The following MAP3K20 variants were observed in gnomAD, a reference collection of about 807,000 sequenced individuals.
The protein encoded by MAP3K20 is HCCS-4.
MAP3K20 carries 40 observed loss-of-function variants against 85.7 expected under a neutral mutation model. That is an observed-to-expected ratio of 0.47 (90% CI 0.36 to 0.61). The LOEUF (loss-of-function observed/expected upper bound fraction) is 0.61, where lower values mean the gene tolerates loss of function less well. Among genes scored for constraint, MAP3K20 ranks in the 20% least tolerant of loss-of-function variants. The pLI, the probability that MAP3K20 is intolerant of heterozygous loss-of-function variation, is 0.00. For missense variants in MAP3K20, 817 were observed against 961.7 expected, an observed-to-expected ratio of 0.85 and a Z score of 1.99; for synonymous variants, 325 against 327.7, an observed-to-expected ratio of 0.99 and a Z score of 0.09.
intron 2 of MAP3K20, among the ~76,000 whole-genome samples, chr2:173,101,902 T>C (rs909654055): frequency 6.6e-5 from 10 of 152,194 alleles, no homozygotes; most frequent in South Asian, 4.1e-4. Context: ...GGTTAGGACA[T>C]CCAGTTTCTG....
chr2:173,209,964 GTTTT>G, intron 10 of MAP3K20, 129 bp downstream of exon 10: 1 of 840,836 alleles, frequency 1.2e-6, no homozygotes, highest in Non-Finnish European at 1.9e-6. Context: ...AAAAGAAAAG[GTTTT>G]TTTTATGATT....
rs536442395 is a variant in MAP3K20 at position 173,155,899 on chromosome 2, T to C, written c.160-13906T>C. On this transcript the variant is annotated intron_variant, in intron 2 of 19. Transcript: ENST00000375213. ...CTCCTCATCTTCCTTAGGATTCCTG[T>C]ATTGTTAGATGTGCCACTATACCCA... is the stretch of plus-strand genomic sequence containing the variant. Among the ~76,000 whole-genome samples, 4 of 152,314 alleles carry C rather than the reference T, an allele frequency of 2.6e-5. No individual in the cohort carries two copies. The East Asian group carries it at 7.7e-4, about 29-fold the overall frequency.
rs1685437560 is a variant in MAP3K20 at position 173,266,797 on chromosome 2, A to AAAAAAAAAAAAG, written c.*50_*51insAAAAAAAAGAAA. 1 of 1,352,284 alleles carries AAAAAAAAAAAAG rather than the reference A, an allele frequency of 7.4e-7. No homozygotes were observed. 83.8% of individuals were successfully genotyped at this position (1,352,284 alleles called of 1,614,324 possible). ...TCTAAGCAGGTTAAAAAAAAAAAAAAAAAGAAATGTAATGGTTTTTGATAA... is the reference window on the plus strand; with the variant it reads ...TCTAAGCAGGTTAAAAAAAAAAAAAAAAAAAAAAAAAGAAAGAAATGTAATGGTTTTTGATAA... On this transcript the variant is annotated 3_prime_UTR_variant, in exon 20 of 20. Transcript: ENST00000375213.
chr2:173,202,280 A>T (rs1410545650), intron 8 of MAP3K20, among the ~76,000 whole-genome samples: 2 of 152,162 alleles, frequency 1.3e-5, no homozygotes, highest in African/African-American at 4.8e-5. Flanking sequence ...TAGTTTGGAG[A>T]GAGTTGTTTT....
intron 16 of MAP3K20, among the ~76,000 whole-genome samples, chr2:173,249,956 C>A (rs1685005832): frequency 6.6e-6 from 1 of 152,100 alleles, no homozygotes; most frequent in African/African-American, 2.4e-5. Flanking sequence ...AATAACAACC[C>A]CCCAAAAGGC....
At chr2:173,252,666 G>A (rs1012870761) in intron 16 of MAP3K20, among the ~76,000 whole-genome samples, 3 of 152,134 alleles carry the variant, frequency 2.0e-5, no homozygotes, top group Non-Finnish European at 4.4e-5. Context: ...GCCCACCTCC[G>A]CTCCTGGGCT....
At chr2:173,238,643 A>G (rs530868971) in intron 15 of MAP3K20, among the ~76,000 whole-genome samples, 1 of 152,348 alleles carries the variant, frequency 6.6e-6, no homozygotes, top group East Asian at 1.9e-4. Context: ...CAATTTGTTC[A>G]TGATAAGAAC....
At chr2:173,118,895 G>A (rs906222658) in intron 2 of MAP3K20, among the ~76,000 whole-genome samples, 4 of 152,072 alleles carry the variant, frequency 2.6e-5, no homozygotes, top group Admixed American at 2.6e-4. Context: ...TTTTAGAAGT[G>A]TACAGTTTGT....
intron 16 of MAP3K20, among the ~76,000 whole-genome samples, chr2:173,242,536 G>T (rs1194959557): frequency 6.6e-6 from 1 of 151,792 alleles, no homozygotes; most frequent in Admixed American, 6.6e-5. Context: ...CTATTTTTTA[G>T]TAAAAATAAG....
intron 2 of MAP3K20, among the ~76,000 whole-genome samples, chr2:173,165,773 G>A (rs1689800925): frequency 6.6e-6 from 1 of 152,188 alleles, no homozygotes; most frequent in Admixed American, 6.5e-5. Context: ...CTGGGCTCAA[G>A]CCATCCTACT....
At chr2:173,262,711 G>A (rs1685325514) in intron 18 of MAP3K20, among the ~76,000 whole-genome samples, 1 of 152,220 alleles carries the variant, frequency 6.6e-6, no homozygotes. Context: ...CTGCTGGGGT[G>A]CACAGGTTGT....
chr2:173,176,865 T>C (rs893825398), intron 3 of MAP3K20, among the ~76,000 whole-genome samples: 5 of 152,116 alleles, frequency 3.3e-5, no homozygotes, highest in African/African-American at 1.2e-4. Flanking sequence ...AGATATGCCA[T>C]GCAGACAGTA....
At chr2:173,200,047 C>A (rs1417990324) in intron 8 of MAP3K20, among the ~76,000 whole-genome samples, 6 of 152,122 alleles carry the variant, frequency 3.9e-5, no homozygotes, top group Non-Finnish European at 7.4e-5. Flanking sequence ...AAATACTTCC[C>A]ACACTGTATT....
At chr2:173,225,024 G>C (rs1057031096) in intron 11 of MAP3K20, 19 of 983,854 alleles carry the variant, frequency 1.9e-5, no homozygotes, top group Non-Finnish European at 2.3e-5. Context: ...AATGATAATT[G>C]AATCTCTCAG....
chr2:173,088,578 G>A (rs1687205424), intron 1 of MAP3K20, among the ~76,000 whole-genome samples: 1 of 152,220 alleles, frequency 6.6e-6, no homozygotes, highest in Non-Finnish European at 1.5e-5. Context: ...TGGGTATGGG[G>A]AATGGGGAGA....
At chr2:173,205,113 A>AT (rs1465286227) in intron 9 of MAP3K20, among the ~76,000 whole-genome samples, 41 of 141,334 alleles carry the variant, frequency 2.9e-4, no homozygotes, top group Admixed American at 4.4e-4. Flanking sequence ...AAAAAAAAAA[A>AT]AAAAAAAAAT....
intron 2 of MAP3K20, among the ~76,000 whole-genome samples, chr2:173,095,528 T>G (rs1227873715): frequency 1.3e-5 from 2 of 152,244 alleles, no homozygotes. Context: ...TGTGATACAC[T>G]GCTATTAGGA....
chr2:173,257,982 G>A (rs111250982), intron 16 of MAP3K20, among the ~76,000 whole-genome samples: 174 of 152,192 alleles, frequency 1.1e-3, no homozygotes, highest in African/African-American at 4.0e-3. Flanking sequence ...AAAATCTAGA[G>A]TTTTACATAA....
intron 11 of MAP3K20, chr2:173,221,438 C>G (rs1433796076): frequency 5.0e-6 from 8 of 1,613,884 alleles, no homozygotes; most frequent in Non-Finnish European, 6.8e-6. Flanking sequence ...CAACATGGCT[C>G]TGGGGTTCAG....
Sources: gnomAD v4.1 joint callset for allele counts (sites outside exome capture counted in the v4.1 genomes callset) on GRCh38, gnomAD v4.1.1 for gene constraint, MANE v1.5 for transcripts, NCBI Gene and HGNC (gene_info 2026-07-23, HGNC 2026-07-21) for gene names.